RPTOR: variants seen among roughly 807,000 people sequenced by gnomAD.
RPTOR encodes the protein regulatory associated protein of MTOR complex 1.
Under a neutral mutation model 169.9 loss-of-function variants are expected in RPTOR, and 21 were observed. The observed-to-expected ratio is 0.12, with a 90% CI of 0.09 to 0.18. The LOEUF is 0.18. Among genes scored for constraint, RPTOR ranks in the 10% least tolerant of loss-of-function variants. The pLI is 1.00. For synonymous variants in RPTOR, 732 were observed against 753.2 expected (o/e 0.97, Z 0.46); for missense variants, 1,133 against 1,855.9 (o/e 0.61, Z 7.16).
intron 5 of RPTOR, among the ~76,000 whole-genome samples, chr17:80,744,924 GTTA>G (rs1352989568): frequency 9.9e-5 from 15 of 151,234 alleles, no homozygotes; most frequent in African/African-American, 2.9e-4. Context: ...CACAGCCCTG[GTTA>G]CTAGCAGAGC....
At chr17:80,563,565 C>CAAAAAAA (rs10649649) in intron 1 of RPTOR, among the ~76,000 whole-genome samples, 1 of 94,192 alleles carries the variant, frequency 1.1e-5, no homozygotes, top group Non-Finnish European at 2.0e-5. Context: ...ACTAAGTCTC[C>CAAAAAAA]AAAAAAAAAA....
At chr17:80,621,332 TGAGA>T (rs1790499500) in intron 1 of RPTOR, among the ~76,000 whole-genome samples, 1 of 152,258 alleles carries the variant, frequency 6.6e-6, no homozygotes, top group Admixed American at 6.5e-5. Flanking sequence ...CTCATTTGAC[TGAGA>T]ATGTTAAATT....
In RPTOR at chr17:80,965,109, C is replaced by T. The variant is rs1031044612; in HGVS notation, c.*779C>T. 4.3e-6 allele frequency: 1 copy of T among 233,190 alleles called. No individual in the cohort carries two copies. Among genetic ancestry groups the T allele is most frequent in the Admixed American group, 5.6e-5 (1 of 17,786 alleles). 14.4% of individuals were successfully genotyped at this position (233,190 alleles called of 1,614,324 possible). On this transcript the variant is annotated 3_prime_UTR_variant, in exon 34 of 34. Transcript: ENST00000306801. ...GGAGGCAGGTCCTTGGCGAGGTAGC[C>T]CCTGCCTTAATCCACGGGGCTCCTT...
chr17:80,837,699 C>T (rs924869271), intron 9 of RPTOR, among the ~76,000 whole-genome samples: 15 of 152,172 alleles, frequency 9.9e-5, no homozygotes, highest in African/African-American at 3.4e-4. Flanking sequence ...CTGGCAGCGC[C>T]AGCGTTCCCG....
chr17:80,545,491 T>G lies in RPTOR; in HGVS notation c.-139T>G. 2 of 645,004 alleles carry G rather than the reference T, an allele frequency of 3.1e-6. No individual in the cohort carries two copies. Among genetic ancestry groups the G allele is most frequent in the Non-Finnish European group, 2.7e-6 (1 of 375,324 alleles). The allele number at this position is 645,004 out of a possible 1,614,324, so 40.0% of individuals were successfully genotyped here. A position where few individuals can be genotyped will look rare whatever the true frequency, so the allele number is the denominator to read the frequency against. ...TCTCAGACTTTTGCCTGAGTAAGGGTCTCCGCACTCTTTATCCATTTGGTT... is the reference window on the plus strand; with the variant it reads ...TCTCAGACTTTTGCCTGAGTAAGGGGCTCCGCACTCTTTATCCATTTGGTT... On this transcript the variant is annotated 5_prime_UTR_variant, in exon 1 of 34. Coordinates refer to ENST00000306801, the MANE Select transcript of RPTOR (RefSeq NM_020761.3).
At chr17:80,742,915 C>T (rs1439008452) in intron 5 of RPTOR, among the ~76,000 whole-genome samples, 7 of 151,400 alleles carry the variant, frequency 4.6e-5, no homozygotes, top group Non-Finnish European at 7.4e-5. Context: ...GGTACATGCT[C>T]ATACATGCAC....
chr17:80,751,807 C>T (rs2066633017), intron 5 of RPTOR, among the ~76,000 whole-genome samples: 1 of 152,226 alleles, frequency 6.6e-6, no homozygotes, highest in Non-Finnish European at 1.5e-5. Flanking sequence ...CGACCAGTCT[C>T]TGTCATGCGA....
intron 1 of RPTOR, among the ~76,000 whole-genome samples, chr17:80,586,069 C>T (rs2065058390): frequency 6.6e-6 from 1 of 152,100 alleles, no homozygotes; most frequent in Non-Finnish European, 1.5e-5. Flanking sequence ...AGGCGCTCTG[C>T]AGCCAGGCAG....
intron 32 of RPTOR, 32 bp downstream of exon 32, chr17:80,962,609 GCTCACCCGC>G (rs765170612): frequency 1.3e-6 from 2 of 1,566,018 alleles, no homozygotes; most frequent in South Asian, 2.2e-5. Context: ...GGCCTGCACC[GCTCACCCGC>G]CTCGGGCCTC....
rs1263863922 is a variant in RPTOR, at chr17:80,746,443, T to C, written c.655-7567T>C. ...GAACTGCGCGTGCACTGACTCCACATTACCCACACGTGGGAACAATGCAGC... is the reference window on the plus strand; with the variant it reads ...GAACTGCGCGTGCACTGACTCCACACTACCCACACGTGGGAACAATGCAGC... On this transcript the variant is annotated intron_variant, in intron 5 of 33. Coordinates refer to ENST00000306801, the MANE Select transcript of RPTOR (RefSeq NM_020761.3). The surrounding 1 kb of genome is among the most constrained non-coding windows in gnomAD (Gnocchi z 4.5). Among the ~76,000 whole-genome samples the C allele has an allele frequency of 6.6e-6, 1 of 152,224 alleles. No homozygotes were observed. Among genetic ancestry groups the C allele is most frequent in the Non-Finnish European group, 1.5e-5 (1 of 68,032 alleles).
chr17:80,879,680 G>C lies in RPTOR; in HGVS notation c.1510-735G>C, dbSNP rs766047911. Reference sequence around the variant, plus strand: ...AATACCTAGTGCTCAGCACCCAGTAGGCCCTCACGACTGTGCCGAGCCATG... The same window carrying C: ...AATACCTAGTGCTCAGCACCCAGTACGCCCTCACGACTGTGCCGAGCCATG... On this transcript the variant is annotated intron_variant, in intron 13 of 33. Coordinates refer to ENST00000306801, the MANE Select transcript of RPTOR (RefSeq NM_020761.3). Among the ~76,000 whole-genome samples the C allele has an allele frequency of 5.9e-5, 9 of 152,322 alleles. 2 individuals are homozygous for C. In the Middle Eastern group the frequency reaches 0.017, roughly 288 times the overall value.
chr17:80,778,173 G>T (rs2066908846), intron 6 of RPTOR, among the ~76,000 whole-genome samples: 1 of 152,150 alleles, frequency 6.6e-6, no homozygotes, highest in Non-Finnish European at 1.5e-5. Flanking sequence ...CACTCTTTCT[G>T]TGCCGCAAGG....
At chr17:80,574,388 G>T (rs2064940684) in intron 1 of RPTOR, among the ~76,000 whole-genome samples, 1 of 148,906 alleles carries the variant, frequency 6.7e-6, no homozygotes, top group Non-Finnish European at 1.5e-5. Context: ...GGATGGTCTC[G>T]ATCTCCTGAC....
chr17:80,907,447 C>T (rs1459920295), intron 20 of RPTOR, among the ~76,000 whole-genome samples: 5 of 152,278 alleles, frequency 3.3e-5, no homozygotes, highest in Non-Finnish European at 7.3e-5. Flanking sequence ...CTGCCCTCCA[C>T]GCTCAGCGCC....
At chr17:80,780,680 C>T (rs1466001628) in intron 6 of RPTOR, among the ~76,000 whole-genome samples, 6 of 152,160 alleles carry the variant, frequency 3.9e-5, no homozygotes, top group African/African-American at 1.4e-4. Flanking sequence ...TAGGAATTTG[C>T]ACACACGTCA....
At chr17:80,548,740 C>T (rs559636602) in intron 1 of RPTOR, among the ~76,000 whole-genome samples, 1 of 152,316 alleles carries the variant, frequency 6.6e-6, no homozygotes, top group African/African-American at 2.4e-5. Context: ...CCAGGCCACA[C>T]AGTCCCACTG....
intron 5 of RPTOR, among the ~76,000 whole-genome samples, chr17:80,742,510 CAT>C (rs1322920438): frequency 6.6e-6 from 1 of 151,944 alleles, no homozygotes; most frequent in East Asian, 1.9e-4. Context: ...TACACATGCA[CAT>C]AGACAACACA....
chr17:80,669,007 A>G (rs1277802554), intron 3 of RPTOR, among the ~76,000 whole-genome samples: 1 of 152,148 alleles, frequency 6.6e-6, no homozygotes, highest in Non-Finnish European at 1.5e-5. Context: ...CACACCACAG[A>G]GGCTGGAGAG....
rs976580342 is a variant in RPTOR, at chr17:80,651,972, C to T, written c.348+8162C>T. Among the ~76,000 whole-genome samples the T allele has an allele frequency of 4.6e-5, 7 of 151,696 alleles. No homozygotes were observed. The highest frequency in any genetic ancestry group is 7.4e-5 in the Non-Finnish European group (5 of 67,956). On this transcript the variant is annotated intron_variant, in intron 3 of 33. Coordinates refer to ENST00000306801, the MANE Select transcript of RPTOR (RefSeq NM_020761.3). The surrounding 1 kb of genome is among the most constrained non-coding windows in gnomAD (Gnocchi z 4.1). ...GCAGTGAGCTGAGATCACGCCACTG[C>T]ACTCCAGCCTGGGGCGACAGCGTGA...
Sources: allele counts gnomAD v4.1 joint callset (sites outside exome capture counted in the v4.1 genomes callset), GRCh38; gene constraint gnomAD v4.1.1; non-coding constraint Gnocchi (gnomAD v3.1); transcripts MANE v1.5; gene names NCBI Gene and HGNC (gene_info 2026-07-23, HGNC 2026-07-21).